The following API5 variants were observed in gnomAD, a reference collection of about 807,000 sequenced individuals.
API5 encodes FIF.
In API5, 6 loss-of-function variants were observed where a neutral mutation model predicts 71.9. That is an observed-to-expected ratio of 0.08 (90% CI 0.05 to 0.16). The LOEUF (loss-of-function observed/expected upper bound fraction) is 0.16, where lower values mean the gene tolerates loss of function less well. Among genes scored for constraint, API5 ranks in the 10% least tolerant of loss-of-function variants. API5 has a pLI of 1.00. For missense variants in API5, 332 were observed against 612.8 expected (o/e 0.54, Z 4.84); for synonymous variants, 189 against 221.3 (o/e 0.85, Z 1.30).
chr11:43,341,530 A>G lies in API5; in HGVS notation c.1493-898A>G, dbSNP rs1027065237. On this transcript the variant is annotated intron_variant, in intron 13 of 13. Transcript: ENST00000531273. ...ATGTTCTCACTCATGTGGAAGTTTTAAAAAGTTAATCTTATAGAAGTAAAA... is the reference window on the plus strand; with the variant it reads ...ATGTTCTCACTCATGTGGAAGTTTTGAAAAGTTAATCTTATAGAAGTAAAA... Among the ~76,000 whole-genome samples the G allele has an allele frequency of 4.6e-5, 7 of 152,212 alleles. No individual in the cohort carries two copies. The East Asian group carries it at 1.3e-3, about 29-fold the overall frequency.
intron 6 of API5, among the ~76,000 whole-genome samples, chr11:43,325,117 A>G (rs1045890601): frequency 1.3e-5 from 2 of 152,200 alleles, no homozygotes; most frequent in African/African-American, 4.8e-5. Context: ...AGAAAAAAAA[A>G]AAACTACGCA....
At chr11:43,325,165 C>G (rs905069094) in intron 6 of API5, among the ~76,000 whole-genome samples, 1 of 151,014 alleles carries the variant, frequency 6.6e-6, no homozygotes, top group African/African-American at 2.4e-5. Flanking sequence ...TAAACTTGTA[C>G]TTATAACATG....
rs1854961396 is a variant in API5, at chr11:43,323,410, C to A, written c.544-20C>A. ...TTCAAATGATGAACATACTCTTATT[C>A]TGAATTGTCTCTTTTCCAGGTCCTA... is the stretch of plus-strand genomic sequence containing the variant. On this transcript the variant is annotated intron_variant, in intron 5 of 13. Coordinates refer to ENST00000531273, the MANE Select transcript of API5 (RefSeq NM_001142930.2). 1 of 1,589,792 alleles carries A rather than the reference C, an allele frequency of 6.3e-7. No homozygotes were observed. The highest frequency in any genetic ancestry group is 8.6e-7 in the Non-Finnish European group (1 of 1,158,334).
intron 13 of API5, among the ~76,000 whole-genome samples, chr11:43,337,613 C>A (rs938467676): frequency 6.6e-6 from 1 of 152,114 alleles, no homozygotes; most frequent in Non-Finnish European, 1.5e-5. Flanking sequence ...GCTCTTACAG[C>A]CTTCTAATAA....
intron 6 of API5, among the ~76,000 whole-genome samples, chr11:43,324,500 A>G (rs1855002397): frequency 2.6e-5 from 4 of 152,086 alleles, no homozygotes; most frequent in Admixed American, 2.6e-4. Flanking sequence ...CTGTAATCCC[A>G]ATCCCAGCAC....
At chr11:43,338,604 T>G (rs1855510459) in intron 13 of API5, among the ~76,000 whole-genome samples, 1 of 144,732 alleles carries the variant, frequency 6.9e-6, no homozygotes, top group Non-Finnish European at 1.5e-5. Context: ...AGAAGAAAAT[T>G]TGGTGAATCT....
chr11:43,336,730 C>T (rs61883514), intron 13 of API5, among the ~76,000 whole-genome samples: 22,827 of 151,916 alleles, frequency 0.15, 2,392 homozygotes, highest in Non-Finnish European at 0.22. Context: ...AAGTTTAGGC[C>T]GGGGGCAGTG....
At chr11:43,323,393 A>G in intron 5 of API5, 37 bp from the exon 6 acceptor site, 5 of 1,538,276 alleles carry the variant, frequency 3.3e-6, no homozygotes, top group South Asian at 2.2e-5. Context: ...CATTCAAATG[A>G]TGAACATACT....
chr11:43,324,262 C>G (rs997505199), intron 6 of API5, among the ~76,000 whole-genome samples: 17 of 152,188 alleles, frequency 1.1e-4, no homozygotes, highest in Admixed American at 8.5e-4. Context: ...AAGCAGTCTG[C>G]CCACCTTGGC....
rs118133154 is a variant in API5, at chr11:43,315,936, C to T, written c.70-2704C>T. Among the ~76,000 whole-genome samples the T allele has an allele frequency of 4.1e-3, 624 of 152,194 alleles. 2 individuals carry two copies. The highest frequency in any genetic ancestry group is 6.4e-3 in the Non-Finnish European group (436 of 68,018). On this transcript the variant is annotated intron_variant, in intron 1 of 13. Coordinates refer to ENST00000531273, the MANE Select transcript of API5 (RefSeq NM_001142930.2). Reference sequence around the variant, plus strand: ...GATACTTAATTTTATATTATGTAGTCAAAATCTTAAAAGTTAAAAAATGTA... The same window carrying T: ...GATACTTAATTTTATATTATGTAGTTAAAATCTTAAAAGTTAAAAAATGTA...
intron 9 of API5, among the ~76,000 whole-genome samples, chr11:43,329,720 C>A (rs1855190956): frequency 2.0e-5 from 3 of 152,176 alleles, no homozygotes; most frequent in African/African-American, 7.2e-5. Context: ...AACAAATTCA[C>A]ATTTTAAATT....
chr11:43,328,679 AGAT>A, intron 8 of API5, 30 bp from the exon 9 acceptor site: 2 of 1,584,024 alleles, frequency 1.3e-6, no homozygotes, highest in Non-Finnish European at 1.7e-6. Flanking sequence ...TATGTAGAAC[AGAT>A]TGCAAAATCT....
At chr11:43,341,996 A>T (rs1421775781) in intron 13 of API5, among the ~76,000 whole-genome samples, 1 of 151,956 alleles carries the variant, frequency 6.6e-6, no homozygotes, top group African/African-American at 2.4e-5. Context: ...AAAAAAAAAA[A>T]TAGCCAAACA....
chr11:43,320,898 G>C lies in API5; in HGVS notation c.309G>C (p.Thr103=). ...TTCCTCGAGTGGCAGATATACTAAC[G>C]CAACTTTTGCAGACAGGTAAGGGAT... is the stretch of plus-strand genomic sequence containing the variant. The part of the protein sequence containing the change: ...ENLPRVADIL[T]QLLQTDDSAE... The change falls in exon 3 of 14, where the codon ACG becomes ACC. Residue 103 remains threonine, a synonymous_variant. Coordinates refer to ENST00000531273, the MANE Select transcript of API5 (RefSeq NM_001142930.2). 1.2e-6 allele frequency: 2 copies of C among 1,611,102 alleles called. No individual in the cohort carries two copies. The highest frequency in any genetic ancestry group is 1.7e-6 in the Non-Finnish European group (2 of 1,179,154).
intron 6 of API5, among the ~76,000 whole-genome samples, chr11:43,324,804 A>G (rs1165851941): frequency 3.3e-5 from 5 of 151,972 alleles, no homozygotes; most frequent in African/African-American, 1.2e-4. Context: ...CAACTTCCCG[A>G]GTAGCTGGGA....
At chr11:43,312,392 C>G (rs926239667) in intron 1 of API5, among the ~76,000 whole-genome samples, 196 bp downstream of exon 1, 1 of 152,188 alleles carries the variant, frequency 6.6e-6, no homozygotes, top group African/African-American at 2.4e-5. Flanking sequence ...ACCGCGGTCC[C>G]CAGGGTTCCA....
Position 43,330,108 on chromosome 11 carries a change from A to G in API5, c.1221+50A>G, listed in dbSNP as rs1371017604. ...TAAACTGCTAGTTCCATACCAAACTATATAGACTTGTGTTGGGAGTTTTTC... is the reference window on the plus strand; with the variant it reads ...TAAACTGCTAGTTCCATACCAAACTGTATAGACTTGTGTTGGGAGTTTTTC... On this transcript the variant is annotated intron_variant, in intron 10 of 13. Coordinates refer to ENST00000531273, the MANE Select transcript of API5 (RefSeq NM_001142930.2). 3.5e-6 allele frequency: 5 copies of G among 1,436,910 alleles called. No homozygotes were observed. In the East Asian group the frequency reaches 9.1e-5, roughly 26 times the overall value. 89.0% of individuals were successfully genotyped at this position (1,436,910 alleles called of 1,614,324 possible).
At chr11:43,327,979 A>G (rs991332381) in intron 8 of API5, 101 bp downstream of exon 8, 4 of 640,330 alleles carry the variant, frequency 6.2e-6, no homozygotes, top group South Asian at 3.1e-5. Flanking sequence ...TGAAATTTCA[A>G]TTAAACAATA....
chr11:43,321,960 T>A, intron 4 of API5, 25 bp from the exon 5 acceptor site: 1 of 1,595,762 alleles, frequency 6.3e-7, no homozygotes, highest in East Asian at 2.2e-5. Context: ...ATTGACTTGC[T>A]ACAGGCAACT....
Sources: allele counts gnomAD v4.1 joint callset (sites outside exome capture counted in the v4.1 genomes callset), GRCh38; gene constraint gnomAD v4.1.1; transcripts MANE v1.5; gene names NCBI Gene and HGNC (gene_info 2026-07-23, HGNC 2026-07-21).